Variants in OTUD5 observed in about 807,000 individuals in gnomAD.
OTUD5 encodes the protein OTU deubiquitinase 5, also known as OTU domain-containing protein 5.
In OTUD5, 2 loss-of-function variants were observed where a neutral mutation model predicts 36.3. The ratio of observed to expected loss-of-function variants is 0.06; its 90% confidence interval spans 0.02 to 0.17. The LOEUF (loss-of-function observed/expected upper bound fraction) is 0.17. OTUD5 is among the 10% of genes least tolerant of loss of function. The pLI, the probability that OTUD5 is intolerant of heterozygous loss-of-function variation, is 1.00. For synonymous variants in OTUD5, 234 were observed against 214.9 expected, an observed-to-expected ratio of 1.09 and a Z score of -0.78; for missense variants, 233 against 512.3, an observed-to-expected ratio of 0.45 and a Z score of 5.26.
Position 48,934,887 on chromosome X carries a change from G to T in OTUD5, c.754-20C>A. The T allele has an allele frequency of 8.3e-7, 1 of 1,207,532 alleles. No homozygotes were observed. The highest frequency in any genetic ancestry group is 1.1e-6 in the Non-Finnish European group (1 of 891,606). ...CTTCATCTGCAGAATAGATTGGAAG[G>T]TTAAGGTCTGTGTGGAGAAGAAATC... On this transcript the variant is annotated intron_variant, in intron 3 of 8. Coordinates refer to ENST00000376488, the MANE Select transcript of OTUD5 (RefSeq NM_001136157.2).
chrX:48,929,953 A>C (rs2063726796), intron 5 of OTUD5, among the ~76,000 whole-genome samples: 1 of 108,552 alleles, frequency 9.2e-6, no homozygotes, highest in Non-Finnish European at 1.9e-5. Flanking sequence ...AAATACAAAA[A>C]ATTAGCCAGG....
intron 1 of OTUD5, among the ~76,000 whole-genome samples, chrX:48,946,576 C>T (rs1451215162): frequency 2.7e-5 from 3 of 112,060 alleles, no homozygotes; most frequent in Admixed American, 9.5e-5. Flanking sequence ...AGCTTCCATG[C>T]GCAGCACAAG....
rs2063591895 is a variant in OTUD5, at chrX:48,922,117, C to T, written c.*1057G>A. On this transcript the variant is annotated 3_prime_UTR_variant, in exon 9 of 9. Coordinates refer to ENST00000376488, the MANE Select transcript of OTUD5 (RefSeq NM_001136157.2). ...CAGACAGACCCTGCTGGAGAGCATT[C>T]ACACCTCTGAGGTCAAGCCAAGGTC... is the stretch of plus-strand genomic sequence containing the variant. The T allele has an allele frequency of 8.9e-6, 1 of 111,931 alleles. No individual in the cohort carries two copies. The highest frequency in any genetic ancestry group is 3.3e-5 in the African/African-American group (1 of 30,620). The allele number at this position is 111,931 out of a possible 1,213,427, so 9.2% of individuals were successfully genotyped here. A position where few individuals can be genotyped will look rare whatever the true frequency, so the allele number is the denominator to read the frequency against.
chrX:48,940,080 G>T (rs1219850152), intron 2 of OTUD5: 1 of 114,156 alleles, frequency 8.8e-6, no homozygotes, highest in Non-Finnish European at 1.9e-5. Flanking sequence ...CCAATCTCCT[G>T]AGGAGATGAG....
At chrX:48,957,725 AGGAGGC>A (rs1378330485), upstream of OTUD5, 6,358 of 372,569 alleles carry the variant, frequency 0.017, 43 homozygotes, top group African/African-American at 0.039. Context: ...TCGGCGGCGG[AGGAGGC>A]GGCGGCGGCG....
chrX:48,957,713 C>A, upstream of OTUD5: 1 of 794,818 alleles, frequency 1.3e-6, no homozygotes, highest in African/African-American at 2.4e-5. Flanking sequence ...GTTCGAGAAC[C>A]CTCGGCGGCG....
chrX:48,943,852 G>C (rs5953256), intron 2 of OTUD5, among the ~76,000 whole-genome samples: 1 of 111,439 alleles, frequency 9.0e-6, no homozygotes, highest in Non-Finnish European at 1.9e-5. Flanking sequence ...CCATCTCTGA[G>C]CCACTTTTCT....
chrX:48,944,255 C>T lies in OTUD5; in HGVS notation c.623G>A (p.Arg208Gln), dbSNP rs782027513. ...CTTGATGATGAAGCCCTTCTTGTCTCGTAGGGCCTTTTCAAACCAATGCTC... is the reference window on the plus strand; with the variant it reads ...CTTGATGATGAAGCCCTTCTTGTCTTGTAGGGCCTTTTCAAACCAATGCTC... ...QQEHWFEKAL[R>Q]DKKGFIIKQM... is the part of the protein sequence containing the mutation. The change falls in exon 2 of 9, where the codon CGA becomes CAA. Residue 208 changes from arginine (R) to glutamine (Q), a missense_variant. Physicochemically the swap from Arg to Gln is conservative, Grantham distance 43. Around this residue, in one of 3 missense-constraint regions of OTUD5, gnomAD observed 155 missense variants for 217.2 expected, o/e 0.71. Transcript: ENST00000376488. 22 of 1,203,626 alleles carry T rather than the reference C, an allele frequency of 1.8e-5. No individual in the cohort carries two copies. Among genetic ancestry groups the T allele is most frequent in the Non-Finnish European group, 2.2e-5 (20 of 889,647 alleles).
intron 5 of OTUD5, among the ~76,000 whole-genome samples, chrX:48,933,354 A>G (rs2063784252): frequency 9.0e-6 from 1 of 111,592 alleles, no homozygotes; most frequent in Non-Finnish European, 1.9e-5. Flanking sequence ...ACTATGACAA[A>G]TGTACTATGT....
intron 1 of OTUD5, among the ~76,000 whole-genome samples, chrX:48,947,398 A>G (rs2064048822): frequency 3.6e-5 from 4 of 109,780 alleles, no homozygotes; most frequent in Non-Finnish European, 5.7e-5. Context: ...AAAAAGAAGA[A>G]AAGAAAAGAA....
chrX:48,925,364 A>C (rs1438070302), intron 6 of OTUD5, among the ~76,000 whole-genome samples: 1 of 109,127 alleles, frequency 9.2e-6, no homozygotes, highest in Non-Finnish European at 1.9e-5. Context: ...AATTCCTCAG[A>C]TGCTTGTCTG....
intron 2 of OTUD5, among the ~76,000 whole-genome samples, chrX:48,935,731 G>A (rs1037827501): frequency 1.8e-5 from 2 of 110,156 alleles, no homozygotes; most frequent in East Asian, 2.8e-4. Flanking sequence ...TTGAGGTCAC[G>A]AGTTCGAGAC....
Position 48,925,334 on chromosome X carries a change from C to T in OTUD5, c.1263+513G>A, listed in dbSNP as rs1001252083. On this transcript the variant is annotated intron_variant, in intron 6 of 8. Transcript: ENST00000376488. ...TGCCAGCCAACATCTACAATCACTC[C>T]AAACTCCTTGCGATTTTACAATTCC... 4.7e-5 allele frequency among the ~76,000 whole-genome samples: 5 copies of T among 107,225 alleles called. No individual in the cohort carries two copies. In the Admixed American group the frequency reaches 5.0e-4, roughly 11 times the overall value. The allele number at this position is 107,225 out of a possible 115,157, so 93.1% of individuals were successfully genotyped here. A position where few individuals can be genotyped will look rare whatever the true frequency, so the allele number is the denominator to read the frequency against.
chrX:48,942,238 C>T (rs868917167), intron 2 of OTUD5, among the ~76,000 whole-genome samples: 1 of 80,742 alleles, frequency 1.2e-5, no homozygotes, highest in Non-Finnish European at 2.4e-5. Context: ...TAGATACACA[C>T]ACACATACAC....
chrX:48,944,645 G>A (rs1258736263), intron 1 of OTUD5, among the ~76,000 whole-genome samples: 1 of 112,088 alleles, frequency 8.9e-6, no homozygotes, highest in African/African-American at 3.2e-5. Flanking sequence ...CTACCTCAAG[G>A]AGTTTCATCT....
chrX:48,957,521 G>A lies in OTUD5; in HGVS notation c.50C>T (p.Ala17Val), dbSNP rs1473411775. The change falls in exon 1 of 9, where the codon GCC (alanine) becomes GTC (valine). Residue 17 changes from alanine to valine, a missense_variant. Transcript: ENST00000376488. ...KKPPPPDADPANEPPPPGPMP... is the reference protein window; with the variant it reads ...KKPPPPDADPVNEPPPPGPMP... ...CGGCCCGGGCGGCGGCGGCTCGTTG[G>A]CGGGGTCGGCGTCGGGAGGCGGCGG... is the stretch of plus-strand genomic sequence containing the variant. The A allele has an allele frequency of 1.3e-5, 11 of 831,270 alleles. No homozygotes were observed. Among genetic ancestry groups the A allele is most frequent in the Non-Finnish European group, 1.6e-5 (11 of 681,741 alleles). 68.5% of individuals were successfully genotyped at this position (831,270 alleles called of 1,213,427 possible).
At chrX:48,949,218 C>G (rs1426253119) in intron 1 of OTUD5, among the ~76,000 whole-genome samples, 4 of 111,843 alleles carry the variant, frequency 3.6e-5, no homozygotes, top group African/African-American at 1.3e-4. Context: ...ATATCAAACC[C>G]TAACCCCCCT....
chrX:48,957,313 C>T lies in OTUD5; in HGVS notation c.258G>A (p.Pro86=). Residue 86 remains proline (P), a synonymous_variant, in exon 1 of 9, where the codon CCG becomes CCA. Coordinates refer to ENST00000376488, the MANE Select transcript of OTUD5 (RefSeq NM_001136157.2). The part of the protein sequence containing the change: ...GALHRWALAV[P]PGAVAGPRPQ... ...GCCGGGGACCCGCCACTGCACCAGG[C>T]GGCACGGCCAGCGCCCAGCGATGAA... The T allele has an allele frequency of 8.8e-7, 1 of 1,131,900 alleles. No homozygotes were observed. The allele number at this position is 1,131,900 out of a possible 1,213,427, so 93.3% of individuals were successfully genotyped here. A position where few individuals can be genotyped will look rare whatever the true frequency, so the allele number is the denominator to read the frequency against.
In OTUD5 at chrX:48,934,858, C is replaced by T; in HGVS notation, c.763G>A (p.Ala255Thr). Residue 255 changes from alanine (A) to threonine (T), a missense_variant, in exon 4 of 9, where the codon GCC becomes ACC. Ala to Thr is a moderately conservative substitution (Grantham distance 58). Coordinates refer to ENST00000376488, the MANE Select transcript of OTUD5 (RefSeq NM_001136157.2). ...KHCMDYLMKN[A>T]DYFSNYVTED... is the part of the protein sequence containing the mutation. The stretch of plus-strand genomic sequence containing the variant: ...GTGACATAGTTGGAGAAGTAGTCGG[C>T]ATTCTTCATCTGCAGAATAGATTGG... 8.3e-7 allele frequency: 1 copy of T among 1,209,098 alleles called. No individual in the cohort carries two copies. The highest frequency in any genetic ancestry group is 1.1e-6 in the Non-Finnish European group (1 of 892,990).
Sources: gnomAD v4.1 joint callset for allele counts (sites outside exome capture counted in the v4.1 genomes callset) on GRCh38, gnomAD v4.1.1 for gene constraint, gnomAD v4.1.1 regional missense constraint, MANE v1.5 for transcripts, NCBI Gene and HGNC (gene_info 2026-07-23, HGNC 2026-07-21) for gene names.